The following ARFGEF3 variants were observed in gnomAD, a reference collection of about 807,000 sequenced individuals.
ARFGEF3 encodes ARFGEF family member 3.
ARFGEF3 carries 96 observed loss-of-function variants against 221.7 expected under a neutral mutation model. The ratio of observed to expected loss-of-function variants is 0.43; its 90% CI spans 0.37 to 0.51. The LOEUF is 0.51. ARFGEF3 is among the 20% of genes least tolerant of loss of function. ARFGEF3 has a pLI of 0.00. For missense variants in ARFGEF3, 2,410 were observed against 2,789.9 expected, an observed-to-expected ratio of 0.86 and a Z score of 3.07; for synonymous variants, 1,145 against 1,126.8, an observed-to-expected ratio of 1.02 and a Z score of -0.32.
intron 17 of ARFGEF3, 96 bp from the exon 18 acceptor site, chr6:138,289,722 T>G: frequency 1.5e-6 from 2 of 1,337,270 alleles, no homozygotes; most frequent in South Asian, 2.5e-5. Context: ...GTCTGTCCTT[T>G]CCCTTTTGCC....
intron 4 of ARFGEF3, among the ~76,000 whole-genome samples, chr6:138,210,489 T>C (rs934465125): frequency 7.2e-5 from 11 of 152,140 alleles, no homozygotes; most frequent in South Asian, 4.1e-4. Context: ...TCTTTTTTTT[T>C]TTCTCCTTCA....
At position 138,286,924 on chromosome 6, in the gene ARFGEF3, C is replaced by CTCTA; in HGVS notation, c.2785+8_2785+9insTCTA. 1 of 1,612,124 alleles carries CTCTA rather than the reference C, an allele frequency of 6.2e-7. No homozygotes were observed. The highest frequency in any genetic ancestry group is 8.5e-7 in the Non-Finnish European group (1 of 1,179,496). ...GGCTGAGCTGCGCTCTAGGTACCAG[C>CTCTA]GGGAGTAGTGTTCCCTGGCCGTGGT... On this transcript the variant is annotated intron_variant, in intron 16 of 33. Coordinates refer to ENST00000251691, the MANE Select transcript of ARFGEF3 (RefSeq NM_020340.5).
At chr6:138,317,845 A>C (rs1338567691) in intron 27 of ARFGEF3, among the ~76,000 whole-genome samples, 1 of 152,186 alleles carries the variant, frequency 6.6e-6, no homozygotes, top group Non-Finnish European at 1.5e-5. Flanking sequence ...CGTTTGTGTA[A>C]GGGTCATAGG....
Position 138,320,984 on chromosome 6 carries a change from T to G in ARFGEF3, c.4652-127T>G, listed in dbSNP as rs3736708. 365 of 616,638 alleles carry G rather than the reference T, an allele frequency of 5.9e-4. 6 individuals are homozygous for G. The East Asian group carries it at 0.012, about 20-fold the overall frequency. The allele number at this position is 616,638 out of a possible 1,614,324, so 38.2% of individuals were successfully genotyped here. On this transcript the variant is annotated intron_variant, in intron 28 of 33. Coordinates refer to ENST00000251691, the MANE Select transcript of ARFGEF3 (RefSeq NM_020340.5). The stretch of plus-strand genomic sequence containing the variant: ...AGGAGGATATGGCCATTTTTCTCAT[T>G]GTTCTATTTCTTTTTCCCAGATATT...
rs146408667 is a variant in ARFGEF3, at chr6:138,227,725, G to A, written c.352-2059G>A. Among the ~76,000 whole-genome samples the A allele has an allele frequency of 3.5e-3, 529 of 152,236 alleles. 3 individuals carry two copies. The highest frequency in any genetic ancestry group is 0.028 in the South Asian group (135 of 4,812). On this transcript the variant is annotated intron_variant, in intron 4 of 33. Transcript: ENST00000251691. ...CCTGAGGGCCTTTCACAGGCTCCAC[G>A]GATGGTATAGTCTAATGAGAAGATT...
At position 138,328,046 on chromosome 6, in the gene ARFGEF3, C is replaced by T. The variant is rs1343148166; in HGVS notation, c.5027C>T (p.Ser1676Leu). Residue 1676 changes from serine (S) to leucine (L), a missense_variant, in exon 32 of 34, where the codon TCA becomes TTA. This residue lies in a region of ARFGEF3 where 723 missense variants were observed against 991.9 expected (regional missense o/e 0.73). Coordinates refer to ENST00000251691, the MANE Select transcript of ARFGEF3 (RefSeq NM_020340.5). ...QQVFMLDTQC[S>L]PKTPNNFDHA... ...GTGTTTATGCTGGACACCCAGTGCTCACCAAAGACACCAAACAACTTTGAC... is the reference window on the plus strand; with the variant it reads ...GTGTTTATGCTGGACACCCAGTGCTTACCAAAGACACCAAACAACTTTGAC... 4 of 1,554,816 alleles carry T rather than the reference C, an allele frequency of 2.6e-6. No homozygotes were observed. The highest frequency in any genetic ancestry group is 1.7e-4 in the Middle Eastern group (1 of 6,002).
rs1463271909 is a variant in ARFGEF3 at position 138,292,155 on chromosome 6, A to G, written c.3368+102A>G. The stretch of plus-strand genomic sequence containing the variant: ...CCAGGGACGACCCATTTGTTAGCCA[A>G]TCACTTAAATCTCTTCCATCTTTTT... On this transcript the variant is annotated intron_variant, in intron 19 of 33. Coordinates refer to ENST00000251691, the MANE Select transcript of ARFGEF3 (RefSeq NM_020340.5). 8.5e-6 allele frequency: 8 copies of G among 937,414 alleles called. No individual in the cohort carries two copies. In the Admixed American group the frequency reaches 1.9e-4, roughly 22 times the overall value. 58.1% of individuals were successfully genotyped at this position (937,414 alleles called of 1,614,324 possible).
chr6:138,198,832 C>T lies in ARFGEF3; in HGVS notation c.138-8210C>T, dbSNP rs116489319. On this transcript the variant is annotated intron_variant, in intron 2 of 33. Transcript: ENST00000251691. Reference sequence around the variant, plus strand: ...GTTTGATGCCTGTCCCCATTCTTAACATAGTGGACCTTTGAATTACCACTT... The same window carrying T: ...GTTTGATGCCTGTCCCCATTCTTAATATAGTGGACCTTTGAATTACCACTT... Among the ~76,000 whole-genome samples the T allele has an allele frequency of 2.6e-3, 403 of 152,386 alleles. 5 individuals carry two copies. Among genetic ancestry groups the T allele is most frequent in the African/African-American group, 9.2e-3 (382 of 41,592 alleles).
At chr6:138,171,544 T>G (rs951340565) in intron 2 of ARFGEF3, among the ~76,000 whole-genome samples, 2 of 152,064 alleles carry the variant, frequency 1.3e-5, no homozygotes, top group African/African-American at 4.8e-5. Context: ...CTTCTTCCCC[T>G]CCCACTATAA....
At chr6:138,236,035 A>T (rs915967115) in intron 5 of ARFGEF3, among the ~76,000 whole-genome samples, 1 of 152,216 alleles carries the variant, frequency 6.6e-6, no homozygotes, top group South Asian at 2.1e-4. Flanking sequence ...AATACATTAG[A>T]TATTTGGAAA....
At chr6:138,264,966 C>T (rs1419297401) in intron 12 of ARFGEF3, among the ~76,000 whole-genome samples, 4 of 149,168 alleles carry the variant, frequency 2.7e-5, no homozygotes, top group East Asian at 2.0e-4. Context: ...TCCAGTGGTG[C>T]AATCTCGGCT....
intron 22 of ARFGEF3, among the ~76,000 whole-genome samples, chr6:138,301,795 A>C (rs2114651784): frequency 6.6e-6 from 1 of 152,326 alleles, no homozygotes; most frequent in African/African-American, 2.4e-5. Context: ...GGAACCTTAA[A>C]GACTCAAGGT....
At chr6:138,247,080 C>A (rs988182701) in intron 8 of ARFGEF3, among the ~76,000 whole-genome samples, 1 of 152,016 alleles carries the variant, frequency 6.6e-6, no homozygotes, top group East Asian at 1.9e-4. Context: ...TTTTCCCTAC[C>A]CCCACCCTCA....
At chr6:138,276,593 TTTGA>T (rs1247852185) in intron 12 of ARFGEF3, among the ~76,000 whole-genome samples, 1 of 152,184 alleles carries the variant, frequency 6.6e-6, no homozygotes, top group East Asian at 1.9e-4. Flanking sequence ...TTTTTAACAG[TTTGA>T]TTGTGAGATA....
chr6:138,185,179 C>A (rs940673577), intron 2 of ARFGEF3, among the ~76,000 whole-genome samples: 8 of 152,170 alleles, frequency 5.3e-5, no homozygotes, highest in African/African-American at 1.9e-4. Flanking sequence ...TTCTTTCTTC[C>A]TCCAAAACGT....
intron 10 of ARFGEF3, among the ~76,000 whole-genome samples, chr6:138,258,566 T>C (rs914861011): frequency 2.0e-5 from 3 of 152,212 alleles, no homozygotes; most frequent in African/African-American, 7.2e-5. Context: ...TTCTTGAAAT[T>C]CCATCCCGCC....
At chr6:138,323,822 A>G (rs1407194765) in intron 30 of ARFGEF3, 49 bp downstream of exon 30, 11 of 1,590,388 alleles carry the variant, frequency 6.9e-6, no homozygotes, top group Non-Finnish European at 9.5e-6. Flanking sequence ...AACCATCTTT[A>G]GCTCCTGATC....
chr6:138,286,490 A>C (rs1294292902), intron 15 of ARFGEF3, among the ~76,000 whole-genome samples: 1 of 152,040 alleles, frequency 6.6e-6, no homozygotes, highest in Admixed American at 6.6e-5. Flanking sequence ...TAATTGATGG[A>C]AGTTACTTAG....
chr6:138,238,024 T>A (rs1269465246), intron 5 of ARFGEF3, among the ~76,000 whole-genome samples: 2 of 152,218 alleles, frequency 1.3e-5, no homozygotes, highest in Non-Finnish European at 2.9e-5. Flanking sequence ...ACAGCTGATG[T>A]CCTGCCTTTA....
Sources: gnomAD v4.1 joint callset for allele counts (sites outside exome capture counted in the v4.1 genomes callset) on GRCh38, gnomAD v4.1.1 for gene constraint, gnomAD v4.1.1 regional missense constraint, MANE v1.5 for transcripts, NCBI Gene and HGNC (gene_info 2026-07-23, HGNC 2026-07-21) for gene names.